The following PLD5 variants were observed in gnomAD, a reference collection of about 807,000 sequenced individuals.
PLD5 encodes phospholipase D family member 5.
PLD5 carries 36 observed loss-of-function variants against 61.1 expected under a neutral mutation model. That is an observed-to-expected ratio of 0.59 (90% CI 0.45 to 0.78). PLD5 has a LOEUF of 0.78. Among genes scored for constraint, PLD5 ranks in the 30% least tolerant of loss-of-function variants. The probability of loss-of-function intolerance (pLI) is 0.00; values close to 1 mark genes in which losing one functional copy is unlikely to be tolerated. For synonymous variants in PLD5, 243 were observed against 242.8 expected (o/e 1.00, Z -0.01); for missense variants, 515 against 644.4 (o/e 0.80, Z 2.17).
intron 2 of PLD5, among the ~76,000 whole-genome samples, chr1:242,321,359 A>G (rs1402070152): frequency 1.3e-5 from 2 of 151,424 alleles, no homozygotes; most frequent in Non-Finnish European, 2.9e-5. Flanking sequence ...GCTGGAGTAC[A>G]ATGGCATGAT....
chr1:242,328,399 G>T (rs28523832), intron 2 of PLD5, among the ~76,000 whole-genome samples: 32 of 151,580 alleles, frequency 2.1e-4, no homozygotes, highest in African/African-American at 7.8e-4. Context: ...GTTCTACATA[G>T]TTGTGTGTTC....
intron 5 of PLD5, among the ~76,000 whole-genome samples, chr1:242,176,231 A>G (rs1667132491): frequency 1.3e-5 from 2 of 152,234 alleles, no homozygotes; most frequent in Non-Finnish European, 2.9e-5. Flanking sequence ...CTGGTACCAA[A>G]ACAGACATAT....
At chr1:242,244,033 G>C (rs1304712712) in intron 4 of PLD5, among the ~76,000 whole-genome samples, 1 of 152,104 alleles carries the variant, frequency 6.6e-6, no homozygotes, top group East Asian at 1.9e-4. Context: ...AAATTGTCTG[G>C]ACCTTTTTCA....
At chr1:242,378,553 A>G (rs1662099680) in intron 1 of PLD5, among the ~76,000 whole-genome samples, 1 of 152,214 alleles carries the variant, frequency 6.6e-6, no homozygotes, top group Non-Finnish European at 1.5e-5. Flanking sequence ...AACAATTAAA[A>G]AAACCATCCA....
At chr1:242,374,799 C>T (rs1319657758) in intron 1 of PLD5, among the ~76,000 whole-genome samples, 1 of 152,216 alleles carries the variant, frequency 6.6e-6, no homozygotes, top group Non-Finnish European at 1.5e-5. Context: ...ACACACTGTT[C>T]ATACTTTGTT....
At chr1:242,521,439 A>C (rs1669277348) in intron 1 of PLD5, among the ~76,000 whole-genome samples, 1 of 135,938 alleles carries the variant, frequency 7.4e-6, no homozygotes, top group Non-Finnish European at 1.6e-5. Context: ...ATCCCTCTGA[A>C]GTCTGGACAG....
chr1:242,094,759 T>C (rs1281269894), intron 9 of PLD5, among the ~76,000 whole-genome samples: 2 of 152,132 alleles, frequency 1.3e-5, no homozygotes, highest in Non-Finnish European at 1.5e-5. Flanking sequence ...CTTCATACAC[T>C]ATCTTGTTTA....
At chr1:242,380,399 G>A (rs1275391967) in intron 1 of PLD5, among the ~76,000 whole-genome samples, 2 of 152,092 alleles carry the variant, frequency 1.3e-5, no homozygotes, top group African/African-American at 4.8e-5. Context: ...TGCAACCCTA[G>A]AAACAGTCTT....
intron 1 of PLD5, among the ~76,000 whole-genome samples, chr1:242,505,072 A>T (rs553535433): frequency 6.6e-6 from 1 of 152,150 alleles, no homozygotes; most frequent in Non-Finnish European, 1.5e-5. Context: ...TGGGAGGATC[A>T]CTTGAGCCCA....
intron 5 of PLD5, among the ~76,000 whole-genome samples, chr1:242,128,759 G>A (rs746097271): frequency 6.6e-6 from 1 of 152,150 alleles, no homozygotes; most frequent in African/African-American, 2.4e-5. Context: ...TAGTTAGGAT[G>A]TAGCAAGTCA....
At chr1:242,307,947 C>T (rs1186469181) in intron 2 of PLD5, among the ~76,000 whole-genome samples, 3 of 152,140 alleles carry the variant, frequency 2.0e-5, no homozygotes, top group South Asian at 2.1e-4. Context: ...CTCTACTTGA[C>T]GTGTCAATGG....
At chr1:242,201,776 C>T (rs759129001) in intron 5 of PLD5, among the ~76,000 whole-genome samples, 5 of 152,056 alleles carry the variant, frequency 3.3e-5, no homozygotes, top group Non-Finnish European at 5.9e-5. Flanking sequence ...TGAAAACTTC[C>T]ATGGTTTAAA....
chr1:242,505,702 G>A (rs114571395), intron 1 of PLD5, among the ~76,000 whole-genome samples: 2,461 of 152,294 alleles, frequency 0.016, 86 homozygotes, highest in African/African-American at 0.057. Context: ...TGGTCCTCAG[G>A]ATGAAAGACA....
intron 1 of PLD5, among the ~76,000 whole-genome samples, chr1:242,395,025 G>GATTATATATTCA (rs201444647): frequency 1.6e-5 from 1 of 62,096 alleles, no homozygotes; most frequent in African/African-American, 7.4e-5. Flanking sequence ...GAATATATAT[G>GATTATATATTCA]TATATATGAA....
chr1:242,317,158 C>T (rs6685866), intron 2 of PLD5, among the ~76,000 whole-genome samples: 14,309 of 151,950 alleles, frequency 0.094, 777 homozygotes, highest in African/African-American at 0.13. Context: ...CAATTACAGG[C>T]GCCCACCACC....
intron 1 of PLD5, among the ~76,000 whole-genome samples, chr1:242,506,260 G>C (rs1225683660): frequency 6.6e-6 from 1 of 152,130 alleles, no homozygotes; most frequent in Non-Finnish European, 1.5e-5. Context: ...TCTATATCTA[G>C]GAAATTAAAC....
At chr1:242,277,273 A>T (rs1674466455) in intron 3 of PLD5, among the ~76,000 whole-genome samples, 2 of 152,100 alleles carry the variant, frequency 1.3e-5, no homozygotes, top group South Asian at 2.1e-4. Context: ...TTCCACAATC[A>T]CTTATTCCAG....
Position 242,524,312 on chromosome 1 carries a change from A to C in PLD5, c.-36T>G. On this transcript the variant is annotated 5_prime_UTR_variant, in exon 1 of 10. Coordinates refer to ENST00000536534, the MANE Select transcript of PLD5 (RefSeq NM_001372062.1). Reference sequence around the variant, plus strand: ...CCGGGCGGCCGCCGGCGAGCAGCGGACTCGGGACGGGCGCGCGGGGAGCCG... The same window carrying C: ...CCGGGCGGCCGCCGGCGAGCAGCGGCCTCGGGACGGGCGCGCGGGGAGCCG... 7.3e-7 allele frequency: 1 copy of C among 1,371,952 alleles called. No individual in the cohort carries two copies. Among genetic ancestry groups the C allele is most frequent in the South Asian group, 1.7e-5 (1 of 58,908 alleles). 85.0% of individuals were successfully genotyped at this position (1,371,952 alleles called of 1,614,324 possible). A position where few individuals can be genotyped will look rare whatever the true frequency, so the allele number is the denominator to read the frequency against.
At chr1:242,399,439 C>T (rs1480014897) in intron 1 of PLD5, among the ~76,000 whole-genome samples, 5 of 152,184 alleles carry the variant, frequency 3.3e-5, no homozygotes, top group African/African-American at 1.2e-4. Context: ...GACAAAAGCA[C>T]ATGACATAAT....
Sources: gnomAD v4.1 joint callset for allele counts (sites outside exome capture counted in the v4.1 genomes callset) on GRCh38, gnomAD v4.1.1 for gene constraint, MANE v1.5 for transcripts, NCBI Gene and HGNC (gene_info 2026-07-23, HGNC 2026-07-21) for gene names.